The following TMPRSS15 variants were observed in gnomAD, a reference collection of about 807,000 sequenced individuals.
TMPRSS15 encodes the protein transmembrane serine protease 15.
In TMPRSS15, 128 loss-of-function variants were observed where a neutral mutation model predicts 125.3. The ratio of observed to expected loss-of-function variants is 1.02; its 90% CI spans 0.89 to 1.18. The LOEUF (loss-of-function observed/expected upper bound fraction) is 1.18. Among genes scored for constraint, TMPRSS15 ranks in the 50% most tolerant of loss-of-function variants. The probability of loss-of-function intolerance (pLI) is 0.00; values close to 1 mark genes in which losing one functional copy is unlikely to be tolerated. For synonymous variants in TMPRSS15, 446 were observed against 423.2 expected (o/e 1.05, Z -0.66); for missense variants, 1,283 against 1,212.7 (o/e 1.06, Z -0.86).
intron 1 of TMPRSS15, among the ~76,000 whole-genome samples, chr21:18,442,548 C>T (rs2076244674): frequency 6.6e-6 from 1 of 152,148 alleles, no homozygotes; most frequent in South Asian, 2.1e-4. Context: ...TACACAACTT[C>T]CTAGATGTTC....
At chr21:18,353,647 T>C (rs1419246078) in intron 9 of TMPRSS15, 76 bp downstream of exon 9, 1 of 1,389,740 alleles carries the variant, frequency 7.2e-7, no homozygotes, top group African/African-American at 1.4e-5. Flanking sequence ...AAATTTTAGA[T>C]TCTGCTACCT....
chr21:18,457,243 T>A (rs1407528653), intron 1 of TMPRSS15, among the ~76,000 whole-genome samples: 2 of 152,114 alleles, frequency 1.3e-5, no homozygotes, highest in African/African-American at 4.8e-5. Flanking sequence ...TAATTTTTCA[T>A]ACAGAGTTAG....
At chr21:18,319,203 C>A (rs2075207361) in intron 16 of TMPRSS15, among the ~76,000 whole-genome samples, 2 of 152,120 alleles carry the variant, frequency 1.3e-5, no homozygotes, top group African/African-American at 4.8e-5. Flanking sequence ...TTAGCCATTT[C>A]TTTTAATATT....
rs1476113937 is a variant in TMPRSS15 at position 18,269,852 on chromosome 21, T to TAAGA, written c.*113_*116dup. On this transcript the variant is annotated 3_prime_UTR_variant, in exon 25 of 25. Transcript: ENST00000284885. Reference sequence around the variant, plus strand: ...CCCCCTAGCATTTCATTGACATAGGTAAGAATAAAAACCTTTGGTAACTTT... The same window carrying TAAGA: ...CCCCCTAGCATTTCATTGACATAGGTAAGAAAGAATAAAAACCTTTGGTAACTTT... 1.8e-5 allele frequency: 24 copies of TAAGA among 1,310,354 alleles called. No homozygotes were observed. In the African/African-American group the frequency reaches 3.4e-4, roughly 19 times the overall value. The allele number at this position is 1,310,354 out of a possible 1,614,324, so 81.2% of individuals were successfully genotyped here.
chr21:18,320,102 C>A (rs2075218684), intron 16 of TMPRSS15, among the ~76,000 whole-genome samples: 1 of 151,976 alleles, frequency 6.6e-6, no homozygotes, highest in Admixed American at 6.6e-5. Flanking sequence ...GACAAATGGG[C>A]AGAGATAATT....
intron 18 of TMPRSS15, among the ~76,000 whole-genome samples, chr21:18,303,696 A>G (rs2074999080): frequency 6.6e-6 from 1 of 152,198 alleles, no homozygotes; most frequent in Non-Finnish European, 1.5e-5. Context: ...TTTATATAAC[A>G]AAATAAATAC....
chr21:18,363,907 A>G (rs2075701392), intron 7 of TMPRSS15, among the ~76,000 whole-genome samples: 1 of 152,150 alleles, frequency 6.6e-6, no homozygotes, highest in South Asian at 2.1e-4. Context: ...CAGGAAACAA[A>G]GGAAATTGTG....
intron 16 of TMPRSS15, among the ~76,000 whole-genome samples, chr21:18,324,366 T>C (rs575563395): frequency 1.7e-4 from 26 of 152,298 alleles, no homozygotes; most frequent in African/African-American, 6.0e-4. Context: ...GAAATGTGTG[T>C]GTTCTGCACA....
intron 3 of TMPRSS15, among the ~76,000 whole-genome samples, chr21:18,394,792 T>C (rs900116412): frequency 1.3e-5 from 2 of 152,122 alleles, no homozygotes; most frequent in African/African-American, 2.4e-5. Flanking sequence ...TCTGGATAGA[T>C]CAGTACACCT....
intron 14 of TMPRSS15, among the ~76,000 whole-genome samples, chr21:18,331,072 C>CAA (rs34006357): frequency 0.39 from 35,081 of 89,328 alleles, 6,308 homozygotes; most frequent in East Asian, 0.54. Flanking sequence ...GACTCCATCT[C>CAA]AAAAAAAAAA....
intron 13 of TMPRSS15, among the ~76,000 whole-genome samples, chr21:18,332,650 T>A (rs13047621): frequency 6.6e-6 from 1 of 152,026 alleles, no homozygotes; most frequent in Non-Finnish European, 1.5e-5. Context: ...TTGGTGGGAA[T>A]GTAAATTAGT....
intron 1 of TMPRSS15, among the ~76,000 whole-genome samples, chr21:18,426,213 A>T (rs2076202339): frequency 6.6e-6 from 1 of 152,028 alleles, no homozygotes; most frequent in Non-Finnish European, 1.5e-5. Flanking sequence ...AACTCACTTA[A>T]TCCTCATGTG....
chr21:18,281,265 G>A (rs762065736), intron 21 of TMPRSS15, 44 bp from the exon 22 acceptor site: 26 of 1,536,544 alleles, frequency 1.7e-5, no homozygotes, highest in East Asian at 1.3e-4. Context: ...TCCATCCAAA[G>A]CAGTTCCTTT....
intron 1 of TMPRSS15, among the ~76,000 whole-genome samples, chr21:18,414,342 T>C (rs1342647197): frequency 6.6e-6 from 1 of 152,202 alleles, no homozygotes; most frequent in Non-Finnish European, 1.5e-5. Context: ...TTCTTGTGTG[T>C]GTGTGAGTGT....
At chr21:18,329,087 T>C in intron 15 of TMPRSS15, 82 bp downstream of exon 15, 2 of 1,515,212 alleles carry the variant, frequency 1.3e-6, no homozygotes, top group Non-Finnish European at 1.8e-6. Flanking sequence ...AAAGAGTGAT[T>C]ACATTAATTA....
intron 4 of TMPRSS15, among the ~76,000 whole-genome samples, chr21:18,381,831 T>C (rs2075895521): frequency 6.6e-6 from 1 of 151,930 alleles, no homozygotes; most frequent in African/African-American, 2.4e-5. Context: ...TGTTGGAGGA[T>C]GGGCGGTGGG....
intron 3 of TMPRSS15, among the ~76,000 whole-genome samples, chr21:18,396,571 G>A (rs2076039171): frequency 6.6e-6 from 1 of 151,886 alleles, no homozygotes. Flanking sequence ...TCAGGAGATC[G>A]AGACGATCTT....
At chr21:18,408,720 G>A (rs547511758), upstream of TMPRSS15, among the ~76,000 whole-genome samples, 74 of 152,136 alleles carry the variant, frequency 4.9e-4, no homozygotes, top group Non-Finnish European at 8.7e-4. Flanking sequence ...TCTTAACTAG[G>A]CACAAAGGAG....
chr21:18,412,619 C>T (rs924943768), intron 1 of TMPRSS15, among the ~76,000 whole-genome samples: 4 of 152,052 alleles, frequency 2.6e-5, no homozygotes, highest in African/African-American at 9.7e-5. Context: ...TTATTTTTAA[C>T]GATGTCAGTT....
Sources: gnomAD v4.1 joint callset for allele counts (sites outside exome capture counted in the v4.1 genomes callset) on GRCh38, gnomAD v4.1.1 for gene constraint, MANE v1.5 for transcripts, NCBI Gene and HGNC (gene_info 2026-07-23, HGNC 2026-07-21) for gene names.